The following DICER1 variants were observed in gnomAD, a reference collection of about 807,000 sequenced individuals.
DICER1 encodes endoribonuclease Dicer.
DICER1 carries 43 observed loss-of-function variants against 194.1 expected under a neutral mutation model. The observed-to-expected ratio is 0.22, with a 90% CI of 0.17 to 0.29. The LOEUF (loss-of-function observed/expected upper bound fraction) is 0.29. DICER1 is among the 10% of genes least tolerant of loss of function. The pLI is 1.00. For missense variants in DICER1, 1,608 were observed against 2,317.0 expected (o/e 0.69, Z 6.28); for synonymous variants, 832 against 820.5 (o/e 1.01, Z -0.24).
At chr14:95,112,004 G>C (rs1892008865) in intron 13 of DICER1, among the ~76,000 whole-genome samples, 168 bp downstream of exon 13, 1 of 152,122 alleles carries the variant, frequency 6.6e-6, no homozygotes, top group South Asian at 2.1e-4. Flanking sequence ...CAACAATGTA[G>C]GATCTTCAAG....
chr14:95,152,765 A>G (rs1895595724), intron 1 of DICER1, among the ~76,000 whole-genome samples: 1 of 152,230 alleles, frequency 6.6e-6, no homozygotes, highest in Non-Finnish European at 1.5e-5. Context: ...GCCATTTTGC[A>G]CTCAGAATTA....
At chr14:95,132,356 G>T (rs1350649025) in intron 3 of DICER1, among the ~76,000 whole-genome samples, 159 bp downstream of exon 3, 1 of 152,130 alleles carries the variant, frequency 6.6e-6, no homozygotes, top group Admixed American at 6.5e-5. Context: ...ACAGCAAAAA[G>T]AAATAGGACA....
At chr14:95,134,773 G>A (rs1566818133) in intron 1 of DICER1, among the ~76,000 whole-genome samples, 1 of 152,240 alleles carries the variant, frequency 6.6e-6, no homozygotes, top group Non-Finnish European at 1.5e-5. Flanking sequence ...AAGACAGCAC[G>A]TCTGCGGGCC....
intron 12 of DICER1, 130 bp from the exon 13 acceptor site, chr14:95,112,377 G>T: frequency 1.3e-6 from 1 of 768,920 alleles, no homozygotes; most frequent in Non-Finnish European, 2.2e-6. Context: ...TCTTTATTTT[G>T]AAAAATTCCA....
chr14:95,107,524 G>T, intron 17 of DICER1, 84 bp downstream of exon 17: 2 of 1,377,012 alleles, frequency 1.5e-6, no homozygotes, highest in Non-Finnish European at 2.1e-6. Flanking sequence ...TGCTGGGACT[G>T]CAGGCGTGAG....
At chr14:95,135,133 C>G (rs994347441) in intron 1 of DICER1, among the ~76,000 whole-genome samples, 1 of 152,276 alleles carries the variant, frequency 6.6e-6, no homozygotes, top group Admixed American at 6.5e-5. Context: ...CTAAGATCTG[C>G]GGGTCCCATC....
At chr14:95,128,142 A>G (rs1893639058) in intron 6 of DICER1, among the ~76,000 whole-genome samples, 1 of 152,272 alleles carries the variant, frequency 6.6e-6, no homozygotes, top group African/African-American at 2.4e-5. Context: ...CCAGAATGGC[A>G]CATAATATCC....
intron 4 of DICER1, 87 bp downstream of exon 4, chr14:95,131,422 T>G: frequency 7.5e-7 from 1 of 1,331,944 alleles, no homozygotes; most frequent in East Asian, 2.3e-5. Flanking sequence ...CAAACCTAAA[T>G]CAGACAACCA....
intron 6 of DICER1, among the ~76,000 whole-genome samples, chr14:95,128,890 T>C (rs937660468): frequency 1.3e-5 from 2 of 152,208 alleles, no homozygotes; most frequent in Non-Finnish European, 2.9e-5. Flanking sequence ...GAAAAGCCAT[T>C]TTCCTAATTT....
chr14:95,143,848 C>A (rs922741541), intron 1 of DICER1, among the ~76,000 whole-genome samples: 1 of 151,852 alleles, frequency 6.6e-6, no homozygotes. Flanking sequence ...AAATATAGCC[C>A]AAATCTCAAA....
In DICER1 at chr14:95,089,174, A is replaced by C. The variant is rs1889574735; in HGVS notation, c.*1324T>G. Reference sequence around the variant, plus strand: ...GAAGAGTGCCTACAAGTCTAATTAAAGAAACTTAGGCAAATGCCTAAAGAA... The same window carrying C: ...GAAGAGTGCCTACAAGTCTAATTAACGAAACTTAGGCAAATGCCTAAAGAA... On this transcript the variant is annotated 3_prime_UTR_variant, in exon 27 of 27. Coordinates refer to ENST00000343455, the MANE Select transcript of DICER1 (RefSeq NM_177438.3). 8.6e-6 allele frequency: 2 copies of C among 233,114 alleles called. No individual in the cohort carries two copies. Among genetic ancestry groups the C allele is most frequent in the South Asian group, 3.6e-4 (2 of 5,530 alleles). The allele number at this position is 233,114 out of a possible 1,614,324, so 14.4% of individuals were successfully genotyped here.
rs533529303 is a variant in DICER1, at chr14:95,107,311, A to C, written c.2804+297T>G. On this transcript the variant is annotated intron_variant, in intron 17 of 26. Coordinates refer to ENST00000343455, the MANE Select transcript of DICER1 (RefSeq NM_177438.3). Reference sequence around the variant, plus strand: ...GTGTCTCCAGGCTGGAGTGCAGTGGAGCGATCTCAGCTCACTGCAATCTCC... The same window carrying C: ...GTGTCTCCAGGCTGGAGTGCAGTGGCGCGATCTCAGCTCACTGCAATCTCC... 3.4e-5 allele frequency among the ~76,000 whole-genome samples: 5 copies of C among 148,778 alleles called. No homozygotes were observed. The East Asian group carries it at 1.0e-3, about 30-fold the overall frequency.
At chr14:95,129,252 A>C in intron 6 of DICER1, 1 of 514,982 alleles carries the variant, frequency 1.9e-6, no homozygotes, top group South Asian at 2.5e-5. Flanking sequence ...ATAATCTCTT[A>C]AGGCAGAAAT....
At chr14:95,123,494 C>T (rs1032492643) in intron 8 of DICER1, among the ~76,000 whole-genome samples, 8 of 152,196 alleles carry the variant, frequency 5.3e-5, no homozygotes, top group Non-Finnish European at 1.2e-4. Flanking sequence ...GCCATCTCAG[C>T]TCACTGCAAC....
At chr14:95,093,793 G>A (rs1890054391) in intron 24 of DICER1, 95 bp downstream of exon 24, 4 of 1,359,476 alleles carry the variant, frequency 2.9e-6, no homozygotes, top group Non-Finnish European at 4.2e-6. Flanking sequence ...CTGACCTCCT[G>A]CTGTCCCTTT....
intron 7 of DICER1, among the ~76,000 whole-genome samples, chr14:95,125,844 A>G (rs1893408219): frequency 6.6e-6 from 1 of 151,516 alleles, no homozygotes; most frequent in Non-Finnish European, 1.5e-5. Flanking sequence ...ACAGGAAAGA[A>G]AAGAAAGAAA....
Position 95,144,414 on chromosome 14 carries a change from C to T in DICER1, c.-45-10911G>A, listed in dbSNP as rs764015081. ...GGTTTAAATCCAGACTCCACTACCT[C>T]GCTAACATTGTTTACTTGCCTGTAA... On this transcript the variant is annotated intron_variant, in intron 1 of 26. Transcript: ENST00000343455. 9.1e-4 allele frequency among the ~76,000 whole-genome samples: 138 copies of T among 152,210 alleles called. 1 individual carries two copies. The highest frequency in any genetic ancestry group is 1.5e-3 in the Non-Finnish European group (101 of 68,000).
In DICER1 at chr14:95,126,561, C is replaced by A; in HGVS notation, c.903+19G>T. On this transcript the variant is annotated intron_variant, in intron 7 of 26. Transcript: ENST00000343455. The stretch of plus-strand genomic sequence containing the variant: ...AGCTTTCAAAATATAATCACTATAC[C>A]TACTTGGTATATGCTTACCTGTTTC... 7.1e-7 allele frequency: 1 copy of A among 1,416,190 alleles called. No individual in the cohort carries two copies. Among genetic ancestry groups the A allele is most frequent in the Non-Finnish European group, 1.0e-6 (1 of 1,004,206 alleles). 87.7% of individuals were successfully genotyped at this position (1,416,190 alleles called of 1,614,324 possible).
At chr14:95,099,543 T>C (rs184670805) in intron 22 of DICER1, among the ~76,000 whole-genome samples, 19 of 152,138 alleles carry the variant, frequency 1.2e-4, no homozygotes, top group Non-Finnish European at 1.9e-4. Context: ...GGAAAAGAAA[T>C]AATAAAAATA....
Sources: allele counts gnomAD v4.1 joint callset (sites outside exome capture counted in the v4.1 genomes callset), GRCh38; gene constraint gnomAD v4.1.1; transcripts MANE v1.5; gene names NCBI Gene and HGNC (gene_info 2026-07-23, HGNC 2026-07-21).